GSK3B: variants seen among roughly 807,000 people sequenced by gnomAD.
GSK3B encodes the protein glycogen synthase kinase-3 beta.
Under a neutral mutation model 56.4 loss-of-function variants are expected in GSK3B, and 15 were observed. The observed-to-expected ratio is 0.27, with a 90% CI of 0.18 to 0.41. The LOEUF (loss-of-function observed/expected upper bound fraction) is 0.41. GSK3B is among the 10% of genes least tolerant of loss of function. The pLI is 1.00. For missense variants in GSK3B, 300 were observed against 513.4 expected, an observed-to-expected ratio of 0.58 and a Z score of 4.02; for synonymous variants, 181 against 188.9, an observed-to-expected ratio of 0.96 and a Z score of 0.34.
chr3:119,994,508 G>A (rs1227396567), intron 2 of GSK3B, among the ~76,000 whole-genome samples: 1 of 151,976 alleles, frequency 6.6e-6, no homozygotes, highest in Non-Finnish European at 1.5e-5. Flanking sequence ...TTATAATTAT[G>A]AAGAGAAAAA....
At position 120,001,757 on chromosome 3, in the gene GSK3B, C is replaced by G. The variant is rs2057679214; in HGVS notation, c.282+289G>C. Among the ~76,000 whole-genome samples the G allele has an allele frequency of 2.6e-5, 4 of 152,266 alleles. No individual in the cohort carries two copies. In the South Asian group the frequency reaches 6.2e-4, roughly 24 times the overall value. On this transcript the variant is annotated intron_variant, in intron 2 of 10. Transcript: ENST00000264235. ...ACACAGTACAACGGTGAGGACAGGT[C>G]ACTTTTTATAGTATAAATTAAGAAA...
At chr3:120,044,381 T>C (rs1395805787) in intron 1 of GSK3B, among the ~76,000 whole-genome samples, 2 of 152,152 alleles carry the variant, frequency 1.3e-5, no homozygotes, top group Non-Finnish European at 2.9e-5. Context: ...TATGATGGTA[T>C]TGTGGTGGAC....
chr3:119,879,044 T>C (rs570151608), intron 7 of GSK3B, among the ~76,000 whole-genome samples: 67 of 152,328 alleles, frequency 4.4e-4, no homozygotes, highest in African/African-American at 1.6e-3. Context: ...TTTTAAAAAA[T>C]ATTTATTTTT....
chr3:119,966,461 G>A (rs2057318922), intron 2 of GSK3B, among the ~76,000 whole-genome samples: 1 of 152,134 alleles, frequency 6.6e-6, no homozygotes, highest in Non-Finnish European at 1.5e-5. Context: ...GAGGTAAAAT[G>A]ACTTCTCCAA....
chr3:119,965,944 G>A (rs1438171612), intron 2 of GSK3B, among the ~76,000 whole-genome samples: 1 of 152,194 alleles, frequency 6.6e-6, no homozygotes, highest in East Asian at 1.9e-4. Flanking sequence ...TATAAATCTT[G>A]TAGGTTCTCT....
intron 2 of GSK3B, among the ~76,000 whole-genome samples, chr3:119,986,731 G>T (rs1215321720): frequency 6.6e-6 from 1 of 152,298 alleles, no homozygotes; most frequent in African/African-American, 2.4e-5. Flanking sequence ...ATACACTGTT[G>T]GTGGCAGTGT....
chr3:120,092,292 A>C (rs1373753872), intron 1 of GSK3B, among the ~76,000 whole-genome samples: 1 of 152,202 alleles, frequency 6.6e-6, no homozygotes, highest in Non-Finnish European at 1.5e-5. Context: ...CCCTGAACAC[A>C]GCCCAAATAT....
At chr3:120,010,462 C>T (rs776544764) in intron 1 of GSK3B, among the ~76,000 whole-genome samples, 2 of 152,058 alleles carry the variant, frequency 1.3e-5, no homozygotes, top group Non-Finnish European at 2.9e-5. Flanking sequence ...TCTTACAATC[C>T]AATTGTCTCA....
At chr3:120,018,914 G>C (rs1277537412) in intron 1 of GSK3B, among the ~76,000 whole-genome samples, 1 of 152,068 alleles carries the variant, frequency 6.6e-6, no homozygotes, top group Non-Finnish European at 1.5e-5. Context: ...ATAATACATA[G>C]CCTAACAACA....
chr3:119,829,438 G>A (rs886449381), intron 10 of GSK3B, among the ~76,000 whole-genome samples: 4 of 152,128 alleles, frequency 2.6e-5, no homozygotes, highest in African/African-American at 9.7e-5. Flanking sequence ...AGGACTTATG[G>A]GAGGCACTGA....
intron 7 of GSK3B, among the ~76,000 whole-genome samples, chr3:119,877,863 A>T (rs1236151598): frequency 6.6e-6 from 1 of 152,212 alleles, no homozygotes; most frequent in African/African-American, 2.4e-5. Flanking sequence ...AATGCTAAAA[A>T]TTGAGGACTT....
At chr3:119,996,870 T>TA (rs1559869100) in intron 2 of GSK3B, among the ~76,000 whole-genome samples, 1 of 151,366 alleles carries the variant, frequency 6.6e-6, no homozygotes. Flanking sequence ...AAACAAAAAA[T>TA]AAAAGAAAGC....
chr3:119,964,333 T>C (rs1323422671), intron 2 of GSK3B, among the ~76,000 whole-genome samples: 4 of 152,198 alleles, frequency 2.6e-5, no homozygotes, highest in Non-Finnish European at 4.4e-5. Flanking sequence ...CCCATATTCA[T>C]TGCAGCATTA....
At chr3:120,026,554 A>ACACACACACACACAC (rs1559881737) in intron 1 of GSK3B, among the ~76,000 whole-genome samples, 5 of 64,390 alleles carry the variant, frequency 7.8e-5, no homozygotes, top group African/African-American at 1.6e-4. Flanking sequence ...CACACACACA[A>ACACACACACACACAC]ACACACACAC....
rs114600033 is a variant in GSK3B, at chr3:120,054,696, T to C, written c.88+38651A>G. ...GATGATCTTAAGCATTTCCTTCACC[T>C]ACTTATGCTACACTGCTCATCAGCT... On this transcript the variant is annotated intron_variant, in intron 1 of 10. Transcript: ENST00000264235. 4.3e-3 allele frequency among the ~76,000 whole-genome samples: 650 copies of C among 152,278 alleles called. 1 individual carries two copies. The highest frequency in any genetic ancestry group is 0.015 in the African/African-American group (614 of 41,562).
chr3:120,033,305 A>T (rs73175891), intron 1 of GSK3B, among the ~76,000 whole-genome samples: 12,982 of 152,234 alleles, frequency 0.085, 679 homozygotes, highest in Non-Finnish European at 0.11. Flanking sequence ...TGCTATGAAC[A>T]TGTGTATATA....
At chr3:120,062,781 A>T (rs1347864662) in intron 1 of GSK3B, among the ~76,000 whole-genome samples, 1 of 152,188 alleles carries the variant, frequency 6.6e-6, no homozygotes, top group Non-Finnish European at 1.5e-5. Context: ...CTGTATCTGG[A>T]TTTACTTTTA....
At chr3:120,043,098 G>A (rs2058076323) in intron 1 of GSK3B, among the ~76,000 whole-genome samples, 2 of 152,126 alleles carry the variant, frequency 1.3e-5, no homozygotes, top group Admixed American at 6.5e-5. Flanking sequence ...GGAGCTCTCA[G>A]TCCATTAATA....
intron 8 of GSK3B, among the ~76,000 whole-genome samples, chr3:119,874,724 G>C (rs1185214655): frequency 6.6e-6 from 1 of 151,894 alleles, no homozygotes; most frequent in Non-Finnish European, 1.5e-5. Context: ...ATGAAAGTTT[G>C]AAAAGGTAGA....
Sources: gnomAD v4.1 joint callset for allele counts (sites outside exome capture counted in the v4.1 genomes callset) on GRCh38, gnomAD v4.1.1 for gene constraint, MANE v1.5 for transcripts, NCBI Gene and HGNC (gene_info 2026-07-23, HGNC 2026-07-21) for gene names.